Variants in NUMA1 observed in about 807,000 individuals in gnomAD.
NUMA1 encodes the protein SP-H antigen.
Under a neutral mutation model 237.1 loss-of-function variants are expected in NUMA1, and 62 were observed. The observed-to-expected ratio is 0.26, with a 90% CI of 0.21 to 0.32. The LOEUF is 0.32. Ranked by LOEUF, NUMA1 falls within the 10% of genes least tolerant of loss-of-function variation. NUMA1 has a pLI of 1.00. For synonymous variants in NUMA1, 1,028 were observed against 1,066.1 expected, an observed-to-expected ratio of 0.96 and a Z score of 0.70; for missense variants, 2,533 against 2,666.5, an observed-to-expected ratio of 0.95 and a Z score of 1.10.
intron 2 of NUMA1, among the ~76,000 whole-genome samples, chr11:72,055,296 G>C (rs1045503758): frequency 2.6e-5 from 4 of 152,104 alleles, no homozygotes; most frequent in African/African-American, 7.2e-5. Context: ...TGTTTAAGGT[G>C]AGGGCATTAT....
intron 22 of NUMA1, 36 bp from the exon 23 acceptor site, chr11:72,005,405 G>C (rs1166343417): frequency 6.3e-7 from 1 of 1,592,618 alleles, no homozygotes; most frequent in South Asian, 1.1e-5. Flanking sequence ...AAATGAGCCT[G>C]GAGTCGGCAG....
chr11:72,051,178 C>T (rs1157297174), intron 2 of NUMA1, among the ~76,000 whole-genome samples: 3 of 152,112 alleles, frequency 2.0e-5, no homozygotes, highest in Non-Finnish European at 2.9e-5. Flanking sequence ...GTGTGAGCCA[C>T]CGTGCTGTCC....
At chr11:72,012,490 G>A in intron 15 of NUMA1, 48 bp from the exon 16 acceptor site, 2 of 1,570,898 alleles carry the variant, frequency 1.3e-6, no homozygotes, top group Non-Finnish European at 1.7e-6. Flanking sequence ...TGAGGCCAAA[G>A]AAGCACCAGC....
At chr11:72,005,776 G>A in intron 22 of NUMA1, 1 of 535,648 alleles carries the variant, frequency 1.9e-6, no homozygotes, top group East Asian at 3.2e-5. Flanking sequence ...AGGGCATGGA[G>A]GACTCCCCAC....
At chr11:72,003,772 C>A (rs1359263249) in intron 26 of NUMA1, 115 bp downstream of exon 26, 2 of 1,181,676 alleles carry the variant, frequency 1.7e-6, no homozygotes, top group Non-Finnish European at 2.4e-6. Context: ...ACCTCTTACC[C>A]CACACCCTCC....
intron 2 of NUMA1, among the ~76,000 whole-genome samples, chr11:72,061,825 T>C (rs527928885): frequency 6.6e-6 from 1 of 152,094 alleles, no homozygotes; most frequent in Non-Finnish European, 1.5e-5. Context: ...TGTCCTTCAA[T>C]GATTTTGACA....
chr11:72,020,875 AAAAAAT>A (rs768149488), intron 8 of NUMA1: 2 of 185,334 alleles, frequency 1.1e-5, no homozygotes, highest in African/African-American at 2.4e-5. Flanking sequence ...CTGTCTCAAA[AAAAAAT>A]AAAAATAAAA....
At chr11:72,006,323 C>T in intron 21 of NUMA1, 60 bp from the exon 22 acceptor site, 1 of 1,455,712 alleles carries the variant, frequency 6.9e-7, no homozygotes. Flanking sequence ...AGAAGCTTCC[C>T]ATTCCCTTCC....
At chr11:72,040,434 G>A (rs1296151808) in intron 2 of NUMA1, among the ~76,000 whole-genome samples, 1 of 147,374 alleles carries the variant, frequency 6.8e-6, no homozygotes, top group Non-Finnish European at 1.5e-5. Context: ...TTGTACTGGG[G>A]CGCGTACACA....
rs184365545 is a variant in NUMA1 at position 72,059,228 on chromosome 11, A to C, written c.-33+10614T>G. On this transcript the variant is annotated intron_variant, in intron 2 of 26. Transcript: ENST00000393695. ...TCTGCAACTTGCCCTTTTCATGTAA[A>C]AATTTATTTGACATGTTTCCATACC... is the stretch of plus-strand genomic sequence containing the variant. Among the ~76,000 whole-genome samples, 221 of 152,264 alleles carry C rather than the reference A, an allele frequency of 1.5e-3. 1 individual carries two copies. Among genetic ancestry groups the C allele is most frequent in the South Asian group, 3.1e-3 (15 of 4,828 alleles).
intron 2 of NUMA1, chr11:72,067,432 G>A (rs1018880713): frequency 6.6e-6 from 1 of 152,174 alleles, no homozygotes; most frequent in African/African-American, 2.4e-5. Flanking sequence ...CCATTTTGAT[G>A]AAATTCACCC....
chr11:72,053,190 T>C (rs1942460615), intron 2 of NUMA1, among the ~76,000 whole-genome samples: 1 of 152,250 alleles, frequency 6.6e-6, no homozygotes, highest in South Asian at 2.1e-4. Context: ...CTTGCTATGT[T>C]GTCCAAGCTG....
At position 72,017,748 on chromosome 11, in the gene NUMA1, T is replaced by C. The variant is rs1036657733; in HGVS notation, c.1058A>G (p.Gln353Arg). ...ELTEEHSKAT[Q>R]EWLEKQAQLE... is the part of the protein sequence containing the mutation. The stretch of plus-strand genomic sequence containing the variant: ...CTGGGCCTGCTTCTCTAGCCACTCC[T>C]GAGTGGCCTTGCTGTGCTCCTCCGT... Residue 353 changes from glutamine to arginine, a missense_variant, in exon 13 of 27, where the codon CAG becomes CGG. This residue lies in a region of NUMA1 where 1,414 missense variants were observed against 1,508.1 expected (regional missense o/e 0.94). Coordinates refer to ENST00000393695, the MANE Select transcript of NUMA1 (RefSeq NM_006185.4). 1.2e-6 allele frequency: 2 copies of C among 1,613,338 alleles called. No homozygotes were observed. The highest frequency in any genetic ancestry group is 2.7e-5 in the African/African-American group (2 of 74,938).
At position 72,004,740 on chromosome 11, in the gene NUMA1, C is replaced by G. The variant is rs766566699; in HGVS notation, c.5906G>C (p.Ser1969Thr). 10 of 1,612,346 alleles carry G rather than the reference C, an allele frequency of 6.2e-6. No homozygotes were observed. The highest frequency in any genetic ancestry group is 1.3e-5 in the African/African-American group (1 of 74,800). ...GDPQETLRRA[S>T]MQPIQIAEGT... is the part of the protein sequence containing the mutation. The stretch of plus-strand genomic sequence containing the variant: ...CTCGGCTATCTGGATTGGCTGCATG[C>G]TGGCTCGGCGCAGGGTCTCTTGGGG... Residue 1969 changes from serine (S) to threonine (T), a missense_variant, in exon 24 of 27, where the codon AGC becomes ACC. By Grantham distance (58) the Ser-to-Thr change is moderately conservative. Transcript: ENST00000393695.
intron 2 of NUMA1, among the ~76,000 whole-genome samples, chr11:72,036,921 G>C (rs540464853): frequency 6.6e-6 from 1 of 152,230 alleles, no homozygotes; most frequent in African/African-American, 2.4e-5. Context: ...CCTGCCACAC[G>C]TGCTCAGTCT....
At chr11:72,040,445 T>TACATACAC (rs1941528300) in intron 2 of NUMA1, among the ~76,000 whole-genome samples, 7 of 136,466 alleles carry the variant, frequency 5.1e-5, no homozygotes, top group African/African-American at 1.7e-4. Flanking sequence ...CGCGTACACA[T>TACATACAC]ACACACACAC....
At chr11:72,012,742 C>G (rs1304771581) in intron 15 of NUMA1, among the ~76,000 whole-genome samples, 153 bp downstream of exon 15, 1 of 152,164 alleles carries the variant, frequency 6.6e-6, no homozygotes, top group Non-Finnish European at 1.5e-5. Flanking sequence ...CAGACTTGAA[C>G]TCCACCAGCC....
intron 3 of NUMA1, among the ~76,000 whole-genome samples, chr11:72,035,576 T>C (rs996519774): frequency 1.3e-5 from 2 of 151,628 alleles, no homozygotes; most frequent in African/African-American, 4.9e-5. Context: ...GCCAGCTAAT[T>C]TTTGTATTTT....
chr11:72,043,867 G>A (rs1391455796), intron 2 of NUMA1, among the ~76,000 whole-genome samples: 1 of 152,070 alleles, frequency 6.6e-6, no homozygotes, highest in Non-Finnish European at 1.5e-5. Flanking sequence ...CCTTGAACTC[G>A]GAATGAGCAG....
Sources: gnomAD v4.1 joint callset for allele counts (sites outside exome capture counted in the v4.1 genomes callset) on GRCh38, gnomAD v4.1.1 for gene constraint, gnomAD v4.1.1 regional missense constraint, MANE v1.5 for transcripts, NCBI Gene and HGNC (gene_info 2026-07-23, HGNC 2026-07-21) for gene names.